ACSS1: variants seen among roughly 807,000 people sequenced by gnomAD.
ACSS1 encodes acyl-CoA synthetase short chain family member 1.
ACSS1 carries 42 observed loss-of-function variants against 75.3 expected under a neutral mutation model. That is an observed-to-expected ratio of 0.56 (90% CI 0.44 to 0.72). The LOEUF is 0.72. ACSS1 is among the 30% of genes least tolerant of loss of function. The pLI, the probability that ACSS1 is intolerant of heterozygous loss-of-function variation, is 0.00. For synonymous variants in ACSS1, 380 were observed against 376.8 expected (o/e 1.01, Z -0.10); for missense variants, 782 against 935.7 (o/e 0.84, Z 2.14).
chr20:25,041,302 AGCAAAAGCAT>A (rs2089000026), intron 2 of ACSS1, among the ~76,000 whole-genome samples: 1 of 151,626 alleles, frequency 6.6e-6, no homozygotes. Flanking sequence ...GAAGGTGAGA[AGCAAAAGCAT>A]GCAGCTTTTT....
intron 2 of ACSS1, among the ~76,000 whole-genome samples, chr20:25,034,565 ATATT>A (rs1451989715): frequency 6.6e-6 from 1 of 151,456 alleles, no homozygotes; most frequent in Non-Finnish European, 1.5e-5. Context: ...CCTCAATTCT[ATATT>A]TAACCTTTTT....
At chr20:25,039,788 A>G (rs1037889427) in intron 2 of ACSS1, among the ~76,000 whole-genome samples, 1 of 152,244 alleles carries the variant, frequency 6.6e-6, no homozygotes, top group Non-Finnish European at 1.5e-5. Context: ...ATTCCTGTTA[A>G]CGCCTGGTTT....
rs768390192 is a variant in ACSS1, at chr20:25,006,923, T to C, written c.*839A>G. The C allele has an allele frequency of 4.7e-5, 72 of 1,535,290 alleles. No homozygotes were observed. The Admixed American group carries it at 1.4e-3, about 30-fold the overall frequency. On this transcript the variant is annotated 3_prime_UTR_variant, in exon 14 of 14. Transcript: ENST00000323482. ...CCCTGAAGAACCCAACTATTTGGAGTATGTTGCCTCTCCTATCAAGAGGCA... is the reference window on the plus strand; with the variant it reads ...CCCTGAAGAACCCAACTATTTGGAGCATGTTGCCTCTCCTATCAAGAGGCA...
chr20:25,054,110 T>G (rs2089211660), intron 1 of ACSS1, among the ~76,000 whole-genome samples: 1 of 152,266 alleles, frequency 6.6e-6, no homozygotes, highest in Non-Finnish European at 1.5e-5. Context: ...ACAGACACTC[T>G]GTCTACCCTG....
At chr20:25,052,805 G>A (rs1470209511) in intron 1 of ACSS1, among the ~76,000 whole-genome samples, 1 of 152,226 alleles carries the variant, frequency 6.6e-6, no homozygotes, top group Non-Finnish European at 1.5e-5. Context: ...AGATGCCCAG[G>A]GCCCCACCCA....
intron 5 of ACSS1, among the ~76,000 whole-genome samples, chr20:25,021,750 T>C (rs2088628934): frequency 6.6e-6 from 1 of 152,206 alleles, no homozygotes; most frequent in African/African-American, 2.4e-5. Context: ...CATTACCTTA[T>C]GCCACGATTT....
intron 3 of ACSS1, among the ~76,000 whole-genome samples, chr20:25,024,174 C>A (rs2088674724): frequency 6.6e-6 from 1 of 152,226 alleles, no homozygotes; most frequent in Admixed American, 6.5e-5. Flanking sequence ...TGACTGGGAG[C>A]TGCCTGCCCA....
chr20:25,039,906 G>A (rs892379372), intron 2 of ACSS1, among the ~76,000 whole-genome samples: 6 of 152,228 alleles, frequency 3.9e-5, no homozygotes, highest in African/African-American at 1.4e-4. Context: ...GGAACCAGGT[G>A]TCAATGCCTG....
intron 9 of ACSS1, 122 bp from the exon 10 acceptor site, chr20:25,013,784 C>G: frequency 7.1e-7 from 1 of 1,400,672 alleles, no homozygotes; most frequent in Non-Finnish European, 9.6e-7. Flanking sequence ...CTGAGGAGGG[C>G]CCCAAGCCAC....
chr20:25,032,175 T>A (rs1175658716), intron 2 of ACSS1, among the ~76,000 whole-genome samples: 2 of 152,224 alleles, frequency 1.3e-5, no homozygotes, highest in African/African-American at 4.8e-5. Context: ...GTTGCCTATG[T>A]CTATGGTGTG....
At chr20:25,052,430 A>G (rs1600352967) in intron 1 of ACSS1, among the ~76,000 whole-genome samples, 1 of 152,194 alleles carries the variant, frequency 6.6e-6, no homozygotes, top group South Asian at 2.1e-4. Flanking sequence ...GGCCCACACC[A>G]TTTCACACTG....
At chr20:25,033,173 A>G (rs867327779) in intron 2 of ACSS1, among the ~76,000 whole-genome samples, 2 of 152,014 alleles carry the variant, frequency 1.3e-5, no homozygotes, top group Middle Eastern at 3.2e-3. Flanking sequence ...CTTCAGCCAG[A>G]TTCCGTTTTC....
In ACSS1 at chr20:25,021,477, A is replaced by C; in HGVS notation, c.1020T>G (p.Ile340Met). Reference sequence around the variant, plus strand: ...CATACACCACGTAGCTGTGTCCTGTAATCCAACCGATGTCGGCCACACAGC... The same window carrying C: ...CATACACCACGTAGCTGTGTCCTGTCATCCAACCGATGTCGGCCACACAGC... ...IFGCVADIGW[I>M]TGHSYVVYGP... Residue 340 changes from isoleucine to methionine, a missense_variant, in exon 6 of 14, where the codon ATT becomes ATG. Around this residue, in one of 2 missense-constraint regions of ACSS1, gnomAD observed 405 missense variants for 552.6 expected, o/e 0.73. Transcript: ENST00000323482. 6.2e-7 allele frequency: 1 copy of C among 1,614,224 alleles called. No homozygotes were observed. Among genetic ancestry groups the C allele is most frequent in the Non-Finnish European group, 8.5e-7 (1 of 1,180,036 alleles).
chr20:25,027,056 A>C (rs2088731972), intron 3 of ACSS1, among the ~76,000 whole-genome samples: 2 of 152,248 alleles, frequency 1.3e-5, no homozygotes, highest in Non-Finnish European at 2.9e-5. Context: ...GAAAGCATCA[A>C]CTATGGCAGC....
intron 1 of ACSS1, among the ~76,000 whole-genome samples, chr20:25,050,318 T>C (rs1277800056): frequency 6.6e-6 from 1 of 152,032 alleles, no homozygotes; most frequent in Non-Finnish European, 1.5e-5. Context: ...GCCTGTCACC[T>C]CCAGTGACTC....
At chr20:25,051,953 C>G (rs2089180597) in intron 1 of ACSS1, among the ~76,000 whole-genome samples, 1 of 152,146 alleles carries the variant, frequency 6.6e-6, no homozygotes, top group Non-Finnish European at 1.5e-5. Flanking sequence ...GTCAAGGTGT[C>G]CCCCAAGAAG....
rs573001438 is a variant in ACSS1, at chr20:25,020,374, C to T, written c.1109-227G>A. On this transcript the variant is annotated intron_variant, in intron 6 of 13. Coordinates refer to ENST00000323482, the MANE Select transcript of ACSS1 (RefSeq NM_032501.4). The stretch of plus-strand genomic sequence containing the variant: ...TCCAAGCACTCCCCAGATCCATGGG[C>T]GGCACATTCAGGAACAGTCTTCACC... Among the ~76,000 whole-genome samples the T allele has an allele frequency of 3.4e-4, 52 of 151,890 alleles. 1 individual carries two copies. In the South Asian group the frequency reaches 4.2e-3, roughly 12 times the overall value.
intron 2 of ACSS1, among the ~76,000 whole-genome samples, chr20:25,042,754 C>T (rs1471528775): frequency 6.6e-6 from 1 of 152,166 alleles, no homozygotes; most frequent in African/African-American, 2.4e-5. Flanking sequence ...CACCCACCCA[C>T]TCTCGGCCCC....
Position 25,048,093 on chromosome 20 carries a change from G to A in ACSS1, c.423C>T (p.Ile141=). 6.2e-7 allele frequency: 1 copy of A among 1,613,652 alleles called. No homozygotes were observed. The highest frequency in any genetic ancestry group is 8.5e-7 in the Non-Finnish European group (1 of 1,179,928). The change falls in exon 2 of 14, where the codon ATC becomes ATT. Residue 141 remains isoleucine, a synonymous_variant. Coordinates refer to ENST00000323482, the MANE Select transcript of ACSS1 (RefSeq NM_032501.4). ...ATTCGAGGGCACAGTACCTGTAGGT[G>A]ATCCTCACTTCCGTTCCAGGCTCAT... is the stretch of plus-strand genomic sequence containing the variant. ...ERDEPGTEVR[I]TYRELLETTC... is the part of the protein sequence containing the mutation.
Sources: allele counts gnomAD v4.1 joint callset (sites outside exome capture counted in the v4.1 genomes callset), GRCh38; gene constraint gnomAD v4.1.1; regional missense constraint gnomAD v4.1.1; transcripts MANE v1.5; gene names NCBI Gene and HGNC (gene_info 2026-07-23, HGNC 2026-07-21).